The following MBD2 variants were observed in gnomAD, a reference collection of about 807,000 sequenced individuals.
MBD2 encodes methyl-CpG binding domain protein 2.
Under a neutral mutation model 39.3 loss-of-function variants are expected in MBD2, and 9 were observed. The observed-to-expected ratio is 0.23, with a 90% CI of 0.14 to 0.40. MBD2 has a LOEUF of 0.40. Ranked by LOEUF, MBD2 falls within the 10% of genes least tolerant of loss-of-function variation. MBD2 has a pLI of 1.00. For synonymous variants in MBD2, 233 were observed against 211.1 expected (o/e 1.10, Z -0.90); for missense variants, 458 against 532.6 (o/e 0.86, Z 1.38).
intron 3 of MBD2, among the ~76,000 whole-genome samples, chr18:54,174,018 G>A (rs1209190060): frequency 6.6e-6 from 1 of 152,152 alleles, no homozygotes; most frequent in Admixed American, 6.5e-5. Flanking sequence ...AGGGAACACA[G>A]ACTATATTTC....
chr18:54,181,795 G>A (rs373639821), intron 3 of MBD2, among the ~76,000 whole-genome samples: 1 of 152,170 alleles, frequency 6.6e-6, no homozygotes, highest in African/African-American at 2.4e-5. Flanking sequence ...CACTGTGCCC[G>A]GCCATCAGTT....
intron 3 of MBD2, among the ~76,000 whole-genome samples, chr18:54,173,791 G>T (rs1383337755): frequency 6.6e-6 from 1 of 152,180 alleles, no homozygotes; most frequent in African/African-American, 2.4e-5. Flanking sequence ...CCAGTATCAC[G>T]GGGAGGAAAG....
chr18:54,155,889 GTCA>G lies in MBD2; in HGVS notation c.*13-581_*13-579del, dbSNP rs532824495. On this transcript the variant is annotated intron_variant, in intron 6 of 6. Transcript: ENST00000256429. Reference sequence around the variant, plus strand: ...ATATATTCACACCTTTGTTTTTACAGTCATCATCTTCTTCTTCTTCTTAAATTT... The same window carrying G: ...ATATATTCACACCTTTGTTTTTACAGTCATCTTCTTCTTCTTCTTAAATTT... Among the ~76,000 whole-genome samples the G allele has an allele frequency of 3.7e-3, 562 of 152,196 alleles. 2 individuals are homozygous for G. The highest frequency in any genetic ancestry group is 6.2e-3 in the Non-Finnish European group (422 of 68,002).
chr18:54,204,040 C>T (rs1383582959), intron 2 of MBD2, among the ~76,000 whole-genome samples: 1 of 152,206 alleles, frequency 6.6e-6, no homozygotes, highest in East Asian at 1.9e-4. Context: ...GTTCACCAAG[C>T]CATGCCTTCC....
chr18:54,223,858 G>A (rs893400557), intron 1 of MBD2, among the ~76,000 whole-genome samples, 160 bp downstream of exon 1: 1 of 151,978 alleles, frequency 6.6e-6, no homozygotes, highest in Admixed American at 6.6e-5. Flanking sequence ...CCGCACTGGG[G>A]TCAACTCTCA....
chr18:54,207,199 A>C (rs931991108), intron 1 of MBD2, among the ~76,000 whole-genome samples: 1 of 152,218 alleles, frequency 6.6e-6, no homozygotes, highest in Non-Finnish European at 1.5e-5. Flanking sequence ...CCTACATTCC[A>C]AACTCTAAAT....
intron 1 of MBD2, among the ~76,000 whole-genome samples, chr18:54,207,423 C>T (rs2144334742): frequency 6.6e-6 from 1 of 152,274 alleles, no homozygotes; most frequent in African/African-American, 2.4e-5. Flanking sequence ...TACAATATTT[C>T]CTATATATTT....
At chr18:54,168,437 A>T (rs2086152175) in intron 3 of MBD2, among the ~76,000 whole-genome samples, 1 of 151,810 alleles carries the variant, frequency 6.6e-6, no homozygotes, top group South Asian at 2.1e-4. Flanking sequence ...AGAATCTGAT[A>T]TGTGTGGATG....
intron 3 of MBD2, among the ~76,000 whole-genome samples, chr18:54,181,926 A>C (rs1405794321): frequency 6.6e-6 from 1 of 152,244 alleles, no homozygotes; most frequent in Non-Finnish European, 1.5e-5. Context: ...ACTTCTGTCT[A>C]GAATGTTCCC....
intron 1 of MBD2, among the ~76,000 whole-genome samples, chr18:54,220,786 C>T (rs1412571916): frequency 6.6e-6 from 1 of 152,170 alleles, no homozygotes; most frequent in African/African-American, 2.4e-5. Context: ...TAAGTGACTG[C>T]CATCATTCAT....
chr18:54,205,976 A>G (rs895071121), intron 1 of MBD2, among the ~76,000 whole-genome samples: 5 of 152,000 alleles, frequency 3.3e-5, no homozygotes, highest in Non-Finnish European at 7.4e-5. Context: ...ACACACACAC[A>G]CACACACAAA....
chr18:54,187,620 G>A, intron 3 of MBD2: 1 of 915,750 alleles, frequency 1.1e-6, no homozygotes, highest in Non-Finnish European at 1.3e-6. Flanking sequence ...GCCTCACACA[G>A]AAAGCTGAAT....
At chr18:54,164,051 T>C (rs553458019) in intron 5 of MBD2, among the ~76,000 whole-genome samples, 1 of 152,026 alleles carries the variant, frequency 6.6e-6, no homozygotes, top group South Asian at 2.1e-4. Context: ...GCCTCACTAA[T>C]TGTTAAAAAT....
At chr18:54,177,931 C>T (rs933308355) in intron 3 of MBD2, among the ~76,000 whole-genome samples, 42 of 150,082 alleles carry the variant, frequency 2.8e-4, no homozygotes, top group African/African-American at 2.9e-4. Context: ...CCTGCAACTC[C>T]GGGGCTCAAG....
chr18:54,211,167 G>A (rs574666578), intron 1 of MBD2, among the ~76,000 whole-genome samples: 11 of 151,954 alleles, frequency 7.2e-5, no homozygotes, highest in East Asian at 5.8e-4. Context: ...CACCGCGCCC[G>A]GCCAACTTTC....
Position 54,203,107 on chromosome 18 carries a change from A to G in MBD2, c.702+1891T>C, listed in dbSNP as rs746539564. 8.1e-6 allele frequency: 13 copies of G among 1,611,514 alleles called. No homozygotes were observed. The Admixed American group carries it at 1.0e-4, about 12-fold the overall frequency. On this transcript the variant is annotated intron_variant, in intron 2 of 6. Coordinates refer to ENST00000256429, the MANE Select transcript of MBD2 (RefSeq NM_003927.5). ...ACGATGAGTGTTCCAGCGCAGCTAG[A>G]GCAGAAAAGTGCACACAAACTGAAG...
At chr18:54,219,144 G>T (rs926491211) in intron 1 of MBD2, among the ~76,000 whole-genome samples, 2 of 152,268 alleles carry the variant, frequency 1.3e-5, no homozygotes, top group East Asian at 1.9e-4. Context: ...TTTCTCACTT[G>T]TGTCTGTGCA....
In MBD2 at chr18:54,224,463, C is replaced by G; in HGVS notation, c.97G>C (p.Glu33Gln). ...GSGAGGDSAI[E>Q]QGGQGSALAP... ...AGCGCGCTGCCCTGGCCCCCCTGCT[C>G]TATGGCGGAGTCGCCGCCAGCGCCG... The change falls in exon 1 of 7, where the codon GAG becomes CAG. Residue 33 changes from glutamate to glutamine, a missense_variant. Glu to Gln is a conservative substitution (Grantham distance 29, BLOSUM62 2). Transcript: ENST00000256429. 3 of 1,233,398 alleles carry G rather than the reference C, an allele frequency of 2.4e-6. No homozygotes were observed. Among genetic ancestry groups the G allele is most frequent in the Non-Finnish European group, 3.0e-6 (3 of 990,446 alleles). 76.4% of individuals were successfully genotyped at this position (1,233,398 alleles called of 1,614,324 possible). A position where few individuals can be genotyped will look rare whatever the true frequency, so the allele number is the denominator to read the frequency against.
chr18:54,185,315 T>C (rs193013144), intron 3 of MBD2, among the ~76,000 whole-genome samples: 1 of 152,312 alleles, frequency 6.6e-6, no homozygotes, highest in Admixed American at 6.5e-5. Flanking sequence ...TCTGCTTCTT[T>C]ACTGTTAAAC....
Sources: allele counts gnomAD v4.1 joint callset (sites outside exome capture counted in the v4.1 genomes callset), GRCh38; gene constraint gnomAD v4.1.1; transcripts MANE v1.5; gene names NCBI Gene and HGNC (gene_info 2026-07-23, HGNC 2026-07-21).